ZNF503: variants seen among roughly 807,000 people sequenced by gnomAD.
ZNF503 encodes NocA-like zinc finger 2.
In ZNF503, 15 loss-of-function variants were observed where a neutral mutation model predicts 34.4. That is an observed-to-expected ratio of 0.44 (90% confidence interval 0.29 to 0.67). The LOEUF (loss-of-function observed/expected upper bound fraction) is 0.67. Among genes scored for constraint, ZNF503 ranks in the 30% least tolerant of loss-of-function variants. The probability of loss-of-function intolerance (pLI) is 0.13; values close to 1 mark genes in which losing one functional copy is unlikely to be tolerated. For synonymous variants in ZNF503, 580 were observed against 456.8 expected, an observed-to-expected ratio of 1.27 and a Z score of -3.44; for missense variants, 1,007 against 926.8, an observed-to-expected ratio of 1.09 and a Z score of -1.12.
chr10:75,361,610 A>G, the ZNF503 span: 1 of 152,228 alleles, frequency 6.6e-6, no homozygotes. Context: ...CTTAAAAAAA[A>G]AATCCTACAA....
chr10:75,355,631 T>A, the ZNF503 span, among the ~76,000 whole-genome samples: 1 of 152,230 alleles, frequency 6.6e-6, no homozygotes, highest in Admixed American at 6.5e-5. Flanking sequence ...TTTCTTCAGT[T>A]GGTCAATGAT....
At position 75,401,568 on chromosome 10, in the gene ZNF503, C is replaced by T. The variant is rs1393836973; in HGVS notation, c.-149G>A. On this transcript the variant is annotated 5_prime_UTR_variant, in exon 1 of 2. Transcript: ENST00000372524. ...ACGGGCGCCCAGCGCGCCTTCTCGG[C>T]GCCTGGAGCCAGACGCGAGTAATCC... The T allele has an allele frequency of 9.7e-6, 9 of 926,298 alleles. No individual in the cohort carries two copies. The highest frequency in any genetic ancestry group is 1.7e-5 in the African/African-American group (1 of 57,194). The allele number at this position is 926,298 out of a possible 1,614,324, so 57.4% of individuals were successfully genotyped here.
chr10:75,286,283 A>AG, the ZNF503 span, among the ~76,000 whole-genome samples: 2 of 58,002 alleles, frequency 3.4e-5, no homozygotes, highest in Non-Finnish European at 6.6e-5. Context: ...ATACTGTCTC[A>AG]GGAAAAAAAA....
chr10:75,348,462 T>C, the ZNF503 span, among the ~76,000 whole-genome samples: 1 of 151,164 alleles, frequency 6.6e-6, no homozygotes, highest in East Asian at 1.9e-4. Flanking sequence ...TCTCCCAAAG[T>C]GTTAGGATTA....
chr10:75,399,716 G>A lies in ZNF503; in HGVS notation c.974C>T (p.Ala325Val). ...SGSSSGSGPS[A>V]PTSSSVLGSG... ...GCCCAACACTGAGGAGGAGGTGGGC[G>A]CGCTGGGGCCGGAGCCGGAGCTGGA... Residue 325 changes from alanine (A) to valine (V), a missense_variant, in exon 2 of 2, where the codon GCG becomes GTG. By Grantham distance (64) the Ala-to-Val change is moderately conservative. Transcript: ENST00000372524. The A allele has an allele frequency of 1.9e-6, 3 of 1,598,502 alleles. No homozygotes were observed. The highest frequency in any genetic ancestry group is 2.2e-5 in the South Asian group (2 of 90,442).
chr10:75,290,031 C>A, the ZNF503 span, among the ~76,000 whole-genome samples: 1 of 152,216 alleles, frequency 6.6e-6, no homozygotes, highest in East Asian at 1.9e-4. Context: ...CTGACAACCA[C>A]CATTCTACTT....
At chr10:75,289,316 T>C in the ZNF503 span, among the ~76,000 whole-genome samples, 1 of 152,170 alleles carries the variant, frequency 6.6e-6, no homozygotes, top group Non-Finnish European at 1.5e-5. Flanking sequence ...ATTTGCCGCC[T>C]GCCCACAGGC....
the ZNF503 span, among the ~76,000 whole-genome samples, chr10:75,284,698 T>C: frequency 2.6e-5 from 4 of 152,048 alleles, no homozygotes; most frequent in Admixed American, 2.6e-4. Flanking sequence ...CACCACCAGG[T>C]GGATGTAGTG....
At chr10:75,380,292 T>C in the ZNF503 span, among the ~76,000 whole-genome samples, 2 of 152,198 alleles carry the variant, frequency 1.3e-5, no homozygotes, top group Admixed American at 6.5e-5. Context: ...CCCAGTTACA[T>C]AACCCTGGGA....
chr10:75,309,994 A>G, the ZNF503 span, among the ~76,000 whole-genome samples: 1 of 152,212 alleles, frequency 6.6e-6, no homozygotes, highest in Non-Finnish European at 1.5e-5. Context: ...GACACATTCC[A>G]TATGATTTTT....
rs1345435586 is a variant in ZNF503 at position 75,398,703 on chromosome 10, C to T, written c.*46G>A. On this transcript the variant is annotated 3_prime_UTR_variant, in exon 2 of 2. Transcript: ENST00000372524. ...GATCCCGCCTCTCCCTGGACTCCTCCCCTCCCCCTCTCCCTCCTCTCCCTC... is the reference window on the plus strand; with the variant it reads ...GATCCCGCCTCTCCCTGGACTCCTCTCCTCCCCCTCTCCCTCCTCTCCCTC... The T allele has an allele frequency of 7.4e-7, 1 of 1,348,566 alleles. No homozygotes were observed. The highest frequency in any genetic ancestry group is 9.5e-7 in the Non-Finnish European group (1 of 1,054,674). The allele number at this position is 1,348,566 out of a possible 1,614,324, so 83.5% of individuals were successfully genotyped here.
chr10:75,349,629 A>T, the ZNF503 span, among the ~76,000 whole-genome samples: 2 of 152,004 alleles, frequency 1.3e-5, no homozygotes, highest in African/African-American at 4.8e-5. Context: ...GGTCTGTCTG[A>T]CTCCAATGCC....
chr10:75,289,477 G>A, the ZNF503 span, among the ~76,000 whole-genome samples: 1 of 152,116 alleles, frequency 6.6e-6, no homozygotes, highest in Non-Finnish European at 1.5e-5. Flanking sequence ...ACTTCATCAG[G>A]GCCAACTCGA....
At chr10:75,330,958 A>G in the ZNF503 span, among the ~76,000 whole-genome samples, 4 of 151,812 alleles carry the variant, frequency 2.6e-5, no homozygotes, top group South Asian at 6.2e-4. Context: ...AACTTTTTCT[A>G]CTTTTTTGAT....
chr10:75,279,828 G>A, the ZNF503 span: 3 of 152,168 alleles, frequency 2.0e-5, no homozygotes, highest in Admixed American at 2.0e-4. Flanking sequence ...CTGATTCCTA[G>A]TAGATGGCTG....
At chr10:75,306,484 C>G in the ZNF503 span, among the ~76,000 whole-genome samples, 9 of 152,240 alleles carry the variant, frequency 5.9e-5, 2 homozygotes, top group African/African-American at 2.2e-4. Flanking sequence ...TATTTTCTCC[C>G]ATTCCATAGG....
At chr10:75,334,265 A>T in the ZNF503 span, among the ~76,000 whole-genome samples, 14 of 152,304 alleles carry the variant, frequency 9.2e-5, no homozygotes, top group Middle Eastern at 3.4e-3. Context: ...AAATTTTTCA[A>T]TTGATTATTT....
chr10:75,384,446 G>C, the ZNF503 span, among the ~76,000 whole-genome samples: 113 of 152,096 alleles, frequency 7.4e-4, no homozygotes, highest in Non-Finnish European at 1.5e-3. Flanking sequence ...ACTTGGGCTT[G>C]TCCAAAAGTA....
chr10:75,401,702 T>C lies in ZNF503; in HGVS notation c.-283A>G. 1 of 417,886 alleles carries C rather than the reference T, an allele frequency of 2.4e-6. No homozygotes were observed. The allele number at this position is 417,886 out of a possible 1,614,324, so 25.9% of individuals were successfully genotyped here. On this transcript the variant is annotated 5_prime_UTR_variant, in exon 1 of 2. Transcript: ENST00000372524. Reference sequence around the variant, plus strand: ...CGGGCTGCTCCCCTGCGCTGCGTTCTCGCGGCCCCGCGCCGGCGCTGCGCT... The same window carrying C: ...CGGGCTGCTCCCCTGCGCTGCGTTCCCGCGGCCCCGCGCCGGCGCTGCGCT...
Sources: allele counts gnomAD v4.1 joint callset (sites outside exome capture counted in the v4.1 genomes callset), GRCh38; gene constraint gnomAD v4.1.1; transcripts MANE v1.5; gene names NCBI Gene and HGNC (gene_info 2026-07-23, HGNC 2026-07-21).